Variants in PRDX3 observed in about 807,000 individuals in gnomAD.
The protein encoded by PRDX3 is thioredoxin-dependent peroxide reductase, mitochondrial.
A neutral mutation model predicts 30.4 loss-of-function variants in PRDX3; 20 were observed. That is an observed-to-expected ratio of 0.66 (90% CI 0.46 to 0.96). The LOEUF (loss-of-function observed/expected upper bound fraction) is 0.96, where lower values mean the gene tolerates loss of function less well. PRDX3 is among the 40% of genes least tolerant of loss of function. The pLI, the probability that PRDX3 is intolerant of heterozygous loss-of-function variation, is 0.00. For missense variants in PRDX3, 322 were observed against 318.3 expected (o/e 1.01, Z -0.09); for synonymous variants, 124 against 117.8 (o/e 1.05, Z -0.34).
rs35697338 is a variant in PRDX3 at position 119,169,193 on chromosome 10, G to A, written c.701C>T (p.Thr234Ile). 1,131 of 1,612,400 alleles carry A rather than the reference G, an allele frequency of 7.0e-4. 16 individuals are homozygous for A. The East Asian group carries it at 0.022, about 31-fold the overall frequency. The change falls in exon 6 of 7, where the codon ACA (threonine) becomes ATA (isoleucine). Residue 234 changes from threonine (T) to isoleucine (I), a missense_variant. Physicochemically the swap from Thr to Ile is moderately conservative, Grantham distance 89. Transcript: ENST00000298510. The part of the protein sequence containing the change: ...THGEVCPANW[T>I]PDSPTIKPSP... ...AAAACCTACCGTAGGAGAATCCGGT[G>A]TCCAGTTCGCTGGGCAGACTTCTCC... is the stretch of plus-strand genomic sequence containing the variant.
intron 3 of PRDX3, among the ~76,000 whole-genome samples, 179 bp downstream of exon 3, chr10:119,174,270 AAG>A (rs1436837640): frequency 6.6e-6 from 1 of 152,184 alleles, no homozygotes; most frequent in Non-Finnish European, 1.5e-5. Context: ...CCCACCCCCG[AAG>A]TTTATCACTT....
intron 5 of PRDX3, among the ~76,000 whole-genome samples, chr10:119,171,150 C>G (rs939005614): frequency 6.6e-6 from 1 of 151,974 alleles, no homozygotes; most frequent in Non-Finnish European, 1.5e-5. Context: ...ACGCCATTCT[C>G]CTGCCTCAGC....
intron 1 of PRDX3, 23 bp from the exon 2 acceptor site, chr10:119,177,176 A>T: frequency 6.2e-7 from 1 of 1,611,480 alleles, no homozygotes; most frequent in Non-Finnish European, 8.5e-7. Flanking sequence ...ACTTTTTATT[A>T]GAAAGTTTTC....
chr10:119,168,372 C>T lies in PRDX3; in HGVS notation c.*108G>A. ...TTAGAGTAATACTTATGAATACAAG[C>T]ATAATTGGTTCCTTGCCTTCTACAA... On this transcript the variant is annotated 3_prime_UTR_variant, in exon 7 of 7. Transcript: ENST00000298510. The T allele has an allele frequency of 6.4e-7, 1 of 1,559,462 alleles. No individual in the cohort carries two copies. Among genetic ancestry groups the T allele is most frequent in the Non-Finnish European group, 8.6e-7 (1 of 1,159,062 alleles).
In PRDX3 at chr10:119,167,767, CAAAGA is replaced by C. The variant is rs1178553858; in HGVS notation, c.*708_*712del. On this transcript the variant is annotated 3_prime_UTR_variant, in exon 7 of 7. Coordinates refer to ENST00000298510, the MANE Select transcript of PRDX3 (RefSeq NM_006793.5). ...GTATGTTTTACAATGAATACTTCAGCAAAGAAAATAATTATAATTTCAAAATGCAA... is the reference window on the plus strand; with the variant it reads ...GTATGTTTTACAATGAATACTTCAGCAAATAATTATAATTTCAAAATGCAA... 1 of 152,138 alleles carries C rather than the reference CAAAGA, an allele frequency of 6.6e-6. No individual in the cohort carries two copies. Among genetic ancestry groups the C allele is most frequent in the Non-Finnish European group, 1.5e-5 (1 of 68,038 alleles). 9.4% of individuals were successfully genotyped at this position (152,138 alleles called of 1,614,324 possible). A position where few individuals can be genotyped will look rare whatever the true frequency, so the allele number is the denominator to read the frequency against.
At chr10:119,171,185 C>T (rs1213460989) in intron 5 of PRDX3, among the ~76,000 whole-genome samples, 12 of 151,996 alleles carry the variant, frequency 7.9e-5, no homozygotes, top group Admixed American at 1.3e-4. Flanking sequence ...GGACTACAGG[C>T]GCCCACCACC....
chr10:119,175,676 T>C (rs1848010159), intron 2 of PRDX3, among the ~76,000 whole-genome samples: 3 of 152,058 alleles, frequency 2.0e-5, no homozygotes. Flanking sequence ...ATTACAGGCG[T>C]GAGCCACAGT....
intron 6 of PRDX3, among the ~76,000 whole-genome samples, chr10:119,168,970 C>A (rs1847834225): frequency 7.5e-6 from 1 of 133,570 alleles, no homozygotes; most frequent in African/African-American, 2.8e-5. Flanking sequence ...GACTCCGTCT[C>A]AAAAAAAAAA....
At chr10:119,178,644 T>C in intron 1 of PRDX3, 111 bp downstream of exon 1, 9 of 1,362,490 alleles carry the variant, frequency 6.6e-6, no homozygotes, top group Middle Eastern at 1.8e-4. Flanking sequence ...GCGGAAACCC[T>C]CCAAGAAGGG....
chr10:119,168,702 G>A (rs914240558), intron 6 of PRDX3, among the ~76,000 whole-genome samples, 169 bp from the exon 7 acceptor site: 2 of 152,202 alleles, frequency 1.3e-5, no homozygotes, highest in African/African-American at 2.4e-5. Context: ...TCTAGGCCGG[G>A]CACGGTGGCT....
At chr10:119,173,897 CATT>C in intron 3 of PRDX3, 25 bp from the exon 4 acceptor site, 2 of 1,583,984 alleles carry the variant, frequency 1.3e-6, no homozygotes, top group Non-Finnish European at 1.7e-6. Flanking sequence ...TAGAAATTCT[CATT>C]AGAGCATTTA....
intron 4 of PRDX3, among the ~76,000 whole-genome samples, 170 bp downstream of exon 4, chr10:119,173,567 C>A (rs553687377): frequency 6.6e-6 from 1 of 151,636 alleles, no homozygotes; most frequent in East Asian, 1.9e-4. Context: ...TGAGATTGTG[C>A]CATTGCACTC....
At chr10:119,176,941 A>G in intron 2 of PRDX3, 80 bp downstream of exon 2, 5 of 1,567,988 alleles carry the variant, frequency 3.2e-6, no homozygotes, top group Admixed American at 1.7e-5. Context: ...ACGTTTGGCC[A>G]GGGTTCAGAG....
At position 119,178,765 on chromosome 10, in the gene PRDX3, A is replaced by G; in HGVS notation, c.26T>C (p.Leu9Pro). ...CCGACAGCCACTCACCGACGCTCGG[A>G]GCAACCGTCCTACAGCAGCCGCCAT... MAAAVGRL[L>P]RASVARHVSA... The change falls in exon 1 of 7, where the codon CTC becomes CCC. Residue 9 changes from leucine (L) to proline (P), a missense_variant. Transcript: ENST00000298510. 6.4e-7 allele frequency: 1 copy of G among 1,552,730 alleles called. No individual in the cohort carries two copies. The highest frequency in any genetic ancestry group is 8.7e-7 in the Non-Finnish European group (1 of 1,148,136).
intron 1 of PRDX3, among the ~76,000 whole-genome samples, chr10:119,178,132 G>C (rs566766902): frequency 5.3e-5 from 8 of 152,146 alleles, no homozygotes; most frequent in African/African-American, 1.7e-4. Flanking sequence ...CAAAGTGCTA[G>C]GATTACAGGC....
In PRDX3 at chr10:119,174,359, C is replaced by G. The variant is rs1208488420; in HGVS notation, c.311+92G>C. On this transcript the variant is annotated intron_variant, in intron 3 of 6. Transcript: ENST00000298510. ...GGGTCAGAAAGAATCCTTCCTTTCA[C>G]AAGGGTATCTAGGGATAGACAATTC... 6 of 1,401,250 alleles carry G rather than the reference C, an allele frequency of 4.3e-6. No homozygotes were observed. In the East Asian group the frequency reaches 1.4e-4, roughly 33 times the overall value. The allele number at this position is 1,401,250 out of a possible 1,614,324, so 86.8% of individuals were successfully genotyped here. A position where few individuals can be genotyped will look rare whatever the true frequency, so the allele number is the denominator to read the frequency against.
At chr10:119,177,380 C>A (rs202018169) in intron 1 of PRDX3, among the ~76,000 whole-genome samples, 39 of 152,170 alleles carry the variant, frequency 2.6e-4, no homozygotes, top group Admixed American at 5.2e-4. Flanking sequence ...CAAAGACCGG[C>A]TGGGCGCGGT....
chr10:119,168,584 G>A (rs1448252747), intron 6 of PRDX3, 51 bp from the exon 7 acceptor site: 1 of 1,593,970 alleles, frequency 6.3e-7, no homozygotes, highest in East Asian at 2.2e-5. Flanking sequence ...CATAATAATA[G>A]TCCCAAAAGT....
intron 6 of PRDX3, 90 bp from the exon 7 acceptor site, chr10:119,168,623 A>T: frequency 6.4e-7 from 1 of 1,550,968 alleles, no homozygotes. Context: ...TTTTAACCTA[A>T]AGTTCTTTAA....
Sources: allele counts gnomAD v4.1 joint callset (sites outside exome capture counted in the v4.1 genomes callset), GRCh38; gene constraint gnomAD v4.1.1; transcripts MANE v1.5; gene names NCBI Gene and HGNC (gene_info 2026-07-23, HGNC 2026-07-21).